ARMH1: variants seen among roughly 807,000 people sequenced by gnomAD.
The protein encoded by ARMH1 is armadillo like helical domain containing 1, also known as armadillo-like helical domain containing protein 1.
In ARMH1, 34 loss-of-function variants were observed where a neutral mutation model predicts 50.2. The observed-to-expected ratio is 0.68, with a 90% CI of 0.51 to 0.90. The LOEUF is 0.90. Among genes scored for constraint, ARMH1 ranks in the 40% least tolerant of loss-of-function variants. ARMH1 has a pLI of 0.00. For synonymous variants in ARMH1, 221 were observed against 224.2 expected, an observed-to-expected ratio of 0.99 and a Z score of 0.13; for missense variants, 538 against 553.9, an observed-to-expected ratio of 0.97 and a Z score of 0.29.
rs1293914145 is a variant in ARMH1 at position 44,700,987 on chromosome 1, G to A, written c.507G>A (p.Gln169=). 2 of 1,551,702 alleles carry A rather than the reference G, an allele frequency of 1.3e-6. No individual in the cohort carries two copies. Among genetic ancestry groups the A allele is most frequent in the Non-Finnish European group, 1.7e-6 (2 of 1,146,990 alleles). The change falls in exon 5 of 12, where the codon CAG becomes CAA. Residue 169 remains glutamine (Q), a synonymous_variant. Coordinates refer to ENST00000535358, the MANE Select transcript of ARMH1 (RefSeq NM_001145636.2). The part of the protein sequence containing the change: ...SKSEETQEEV[Q]VLLDSLVHGN... Reference sequence around the variant, plus strand: ...CAGAAGAGACCCAGGAGGAAGTGCAGGTTCTGTTGGATTCTTTGGTCCACG... The same window carrying A: ...CAGAAGAGACCCAGGAGGAAGTGCAAGTTCTGTTGGATTCTTTGGTCCACG...
intron 6 of ARMH1, among the ~76,000 whole-genome samples, chr1:44,705,259 G>C (rs1313721964): frequency 2.0e-5 from 3 of 152,092 alleles, no homozygotes; most frequent in Non-Finnish European, 4.4e-5. Context: ...GGGAGGCCGA[G>C]GCAGGCGGAT....
At position 44,674,788 on chromosome 1, in the gene ARMH1, C is replaced by T; in HGVS notation, c.-108C>T. ...TCACTCGTCCGAACAGAGTCCTATC[C>T]TACGCGGCGGAAGAGTGTGCCCTTT... On this transcript the variant is annotated 5_prime_UTR_variant, in exon 1 of 12. Coordinates refer to ENST00000535358, the MANE Select transcript of ARMH1 (RefSeq NM_001145636.2). 1 of 188,446 alleles carries T rather than the reference C, an allele frequency of 5.3e-6. No homozygotes were observed. Among genetic ancestry groups the T allele is most frequent in the Non-Finnish European group, 1.1e-5 (1 of 90,660 alleles). The allele number at this position is 188,446 out of a possible 1,614,324, so 11.7% of individuals were successfully genotyped here.
chr1:44,721,584 C>T (rs182776356), intron 6 of ARMH1, among the ~76,000 whole-genome samples: 4 of 152,122 alleles, frequency 2.6e-5, no homozygotes, highest in Admixed American at 1.3e-4. Context: ...TGACAGTAGG[C>T]CGGGCACTAC....
intron 6 of ARMH1, among the ~76,000 whole-genome samples, chr1:44,719,536 AC>A (rs1405280594): frequency 3.9e-5 from 6 of 152,226 alleles, no homozygotes; most frequent in Non-Finnish European, 8.8e-5. Context: ...CCTGCAGCAC[AC>A]AGGATGTGGC....
Position 44,724,333 on chromosome 1 carries a change from C to A in ARMH1, c.861C>A (p.Leu287=). Residue 287 remains leucine, a synonymous_variant, in exon 8 of 12, where the codon CTC becomes CTA. Transcript: ENST00000535358. The surrounding 1 kb of genome is among the most constrained non-coding windows in gnomAD (Gnocchi z 6.4). The part of the protein sequence containing the change: ...QAKILSDPSV[L]QLTPSLPMFL... ...CCCCCTCCTCAGACCCCTCGGTTCT[C>A]CAGCTCACCCCCAGCCTGCCGATGT... 3 of 1,551,582 alleles carry A rather than the reference C, an allele frequency of 1.9e-6. No individual in the cohort carries two copies. Among genetic ancestry groups the A allele is most frequent in the Non-Finnish European group, 1.7e-6 (2 of 1,146,980 alleles).
At chr1:44,699,364 A>C (rs373354804) in intron 4 of ARMH1, among the ~76,000 whole-genome samples, 2 of 152,098 alleles carry the variant, frequency 1.3e-5, no homozygotes, top group African/African-American at 4.8e-5. Flanking sequence ...GGTATATGCC[A>C]GGTGCTAGGG....
chr1:44,719,281 A>G (rs1171056572), intron 6 of ARMH1, among the ~76,000 whole-genome samples: 8 of 152,146 alleles, frequency 5.3e-5, no homozygotes, highest in African/African-American at 1.7e-4. Flanking sequence ...AGTGTGCCTC[A>G]AGGCTCTGGA....
At chr1:44,723,911 G>T (rs1299139046) in intron 6 of ARMH1, 9 of 559,572 alleles carry the variant, frequency 1.6e-5, no homozygotes, top group South Asian at 2.7e-5. Context: ...CGACAGGTGG[G>T]CTCACCATCC....
At chr1:44,676,253 G>A (rs1645137583) in intron 1 of ARMH1, among the ~76,000 whole-genome samples, 1 of 152,188 alleles carries the variant, frequency 6.6e-6, no homozygotes, top group Admixed American at 6.5e-5. Context: ...GGTCAGTTCT[G>A]GGCACGGTGA....
rs777934476 is a variant in ARMH1, at chr1:44,725,157, A to G, written c.1150A>G (p.Met384Val). 2 of 1,551,968 alleles carry G rather than the reference A, an allele frequency of 1.3e-6. No individual in the cohort carries two copies. The highest frequency in any genetic ancestry group is 1.7e-4 in the Middle Eastern group (1 of 5,994). ...LFLSNAEDLY[M>V]KIDSIQADIL... ...TCAGAGCAACGCTGAGGACTTGTACATGAAAATAGACAGCATTCAGGCGGA... is the reference window on the plus strand; with the variant it reads ...TCAGAGCAACGCTGAGGACTTGTACGTGAAAATAGACAGCATTCAGGCGGA... The change falls in exon 11 of 12, where the codon ATG becomes GTG. Residue 384 changes from methionine (M) to valine (V), a missense_variant. Transcript: ENST00000535358.
chr1:44,697,281 T>C, intron 3 of ARMH1, 111 bp downstream of exon 3: 3 of 829,522 alleles, frequency 3.6e-6, no homozygotes, highest in South Asian at 3.1e-5. Flanking sequence ...AGTGGGTTCC[T>C]TGTAGCTCTT....
chr1:44,676,045 G>A (rs1645129190), intron 1 of ARMH1, among the ~76,000 whole-genome samples: 2 of 152,192 alleles, frequency 1.3e-5, no homozygotes, highest in Non-Finnish European at 2.9e-5. Context: ...CAGTAGTGGG[G>A]AAGGATTATG....
intron 6 of ARMH1, among the ~76,000 whole-genome samples, chr1:44,711,400 C>T (rs185545609): frequency 1.0e-3 from 158 of 152,310 alleles, no homozygotes; most frequent in African/African-American, 2.4e-3. Context: ...TTAGTGGATG[C>T]GAAGTGCATT....
intron 6 of ARMH1, among the ~76,000 whole-genome samples, chr1:44,722,903 C>CAAAAAAAAAAA (rs71036693): frequency 3.5e-5 from 3 of 85,930 alleles, no homozygotes; most frequent in Non-Finnish European, 4.6e-5. Context: ...ACTAAAAATA[C>CAAAAAAAAAAA]AAAAAAAAAA....
Position 44,724,535 on chromosome 1 carries a change from C to T in ARMH1, c.921-4C>T, listed in dbSNP as rs1359794654. 3 of 1,507,076 alleles carry T rather than the reference C, an allele frequency of 2.0e-6. No individual in the cohort carries two copies. In the African/African-American group the frequency reaches 4.3e-5, roughly 22 times the overall value. 93.4% of individuals were successfully genotyped at this position (1,507,076 alleles called of 1,614,324 possible). On this transcript the variant is annotated splice_region_variant and splice_polypyrimidine_tract_variant and intron_variant, in intron 8 of 11. Coordinates refer to ENST00000535358, the MANE Select transcript of ARMH1 (RefSeq NM_001145636.2). This position sits in a 1 kb window ranked among gnomAD's most constrained non-coding sequence, Gnocchi z 6.4. ...CGTCGCCCCAGCCCGAACCCCCGGC[C>T]CAGGGTCCTGGCGCGCAACGACATG...
intron 1 of ARMH1, among the ~76,000 whole-genome samples, chr1:44,677,747 G>T (rs923018731): frequency 8.5e-5 from 13 of 152,146 alleles, no homozygotes; most frequent in Non-Finnish European, 8.8e-5. Context: ...CGTGAGCTAG[G>T]TACCAGTCTC....
chr1:44,692,399 C>T (rs1259517600), intron 2 of ARMH1, among the ~76,000 whole-genome samples: 2 of 152,144 alleles, frequency 1.3e-5, no homozygotes, highest in Admixed American at 6.5e-5. Flanking sequence ...CATAGACTTC[C>T]TCTGCCTTAA....
At chr1:44,699,966 A>T (rs1022745956) in intron 4 of ARMH1, among the ~76,000 whole-genome samples, 3 of 151,858 alleles carry the variant, frequency 2.0e-5, no homozygotes, top group Non-Finnish European at 2.9e-5. Flanking sequence ...AGTAACTGGG[A>T]CTACAGGCGC....
rs552291211 is a variant in ARMH1, at chr1:44,683,604, C to T, written c.-22-6072C>T. Among the ~76,000 whole-genome samples, 9 of 152,256 alleles carry T rather than the reference C, an allele frequency of 5.9e-5. No homozygotes were observed. The highest frequency in any genetic ancestry group is 2.1e-4 in the South Asian group (1 of 4,818). ...ATCAGAGAGACCAAGCACGCTGGGA[C>T]GGTGAGCTAAACCACTAAATCTGAC... is the stretch of plus-strand genomic sequence containing the variant. On this transcript the variant is annotated intron_variant, in intron 1 of 11. Coordinates refer to ENST00000535358, the MANE Select transcript of ARMH1 (RefSeq NM_001145636.2). This position sits in a 1 kb window ranked among gnomAD's most constrained non-coding sequence, Gnocchi z 4.2.
Sources: allele counts gnomAD v4.1 joint callset (sites outside exome capture counted in the v4.1 genomes callset), GRCh38; gene constraint gnomAD v4.1.1; non-coding constraint Gnocchi (gnomAD v3.1); transcripts MANE v1.5; gene names NCBI Gene and HGNC (gene_info 2026-07-23, HGNC 2026-07-21).